Variants in IFT27 observed in about 807,000 individuals in gnomAD.
IFT27 encodes intraflagellar transport protein 27 homolog.
In IFT27, 19 loss-of-function variants were observed where a neutral mutation model predicts 23.9. The observed-to-expected ratio is 0.79, with a 90% CI of 0.55 to 1.16. The LOEUF is 1.16. Among genes scored for constraint, IFT27 ranks in the 50% most tolerant of loss-of-function variants. The probability of loss-of-function intolerance (pLI) is 0.00; values close to 1 mark genes in which losing one functional copy is unlikely to be tolerated. For synonymous variants in IFT27, 91 were observed against 89.1 expected (o/e 1.02, Z -0.12); for missense variants, 206 against 228.7 (o/e 0.90, Z 0.64).
At chr22:36,759,505 G>C (rs1938021682) in intron 6 of IFT27, 1 of 152,164 alleles carries the variant, frequency 6.6e-6, no homozygotes, top group Non-Finnish European at 1.5e-5. Context: ...GGAGGGCAAA[G>C]GAAATGGCGC....
At chr22:36,762,142 T>C (rs892536249) in intron 6 of IFT27, 1 of 152,204 alleles carries the variant, frequency 6.6e-6, no homozygotes, top group African/African-American at 2.4e-5. Flanking sequence ...TGGAGTCTCA[T>C]GTGAGGGGTC....
chr22:36,767,833 C>A lies in IFT27; in HGVS notation c.64G>T (p.Ala22Ser). Residue 22 changes from alanine (A) to serine (S), a missense_variant, in exon 2 of 7, where the codon GCA (alanine) becomes TCA (serine). By Grantham distance (99) the Ala-to-Ser change is moderately conservative. Transcript: ENST00000433985. ...GDPAVGKTAL[A>S]QIFRSDGAHF... is the part of the protein sequence containing the mutation. ...GCTCCATCACTGCGGAAGATCTGTG[C>A]CAGGGCGGTCTTGCCCACTGCTGGG... is the stretch of plus-strand genomic sequence containing the variant. 1 of 1,614,190 alleles carries A rather than the reference C, an allele frequency of 6.2e-7. No homozygotes were observed. Among genetic ancestry groups the A allele is most frequent in the East Asian group, 2.2e-5 (1 of 44,884 alleles).
chr22:36,758,421 G>C lies in IFT27; in HGVS notation c.463-12C>G, dbSNP rs1403776871. 6.2e-7 allele frequency: 1 copy of C among 1,606,922 alleles called. No individual in the cohort carries two copies. The highest frequency in any genetic ancestry group is 1.7e-5 in the Admixed American group (1 of 60,014). On this transcript the variant is annotated splice_polypyrimidine_tract_variant and intron_variant, in intron 6 of 6. Transcript: ENST00000433985. ...TTTTCCATCTCTTTCTGGAAAGACA[G>C]TTTAAAAAGTTGGCTGTGTTCTTTT...
At chr22:36,765,045 C>T (rs957745898) in intron 4 of IFT27, among the ~76,000 whole-genome samples, 1 of 152,236 alleles carries the variant, frequency 6.6e-6, no homozygotes, top group African/African-American at 2.4e-5. Flanking sequence ...CTCCTCCTCA[C>T]CCTACAAGGC....
chr22:36,769,440 C>T (rs1394038954), intron 1 of IFT27, among the ~76,000 whole-genome samples: 1 of 152,136 alleles, frequency 6.6e-6, no homozygotes, highest in Admixed American at 6.5e-5. Flanking sequence ...CTGCAACCTC[C>T]GCCTCCCGGG....
chr22:36,766,941 T>TC (rs201462403), intron 3 of IFT27: 2 of 163,472 alleles, frequency 1.2e-5, no homozygotes, highest in African/African-American at 4.8e-5. Context: ...TTTTTTTTTT[T>TC]CTCGCAGACC....
In IFT27 at chr22:36,763,899, T is replaced by G; in HGVS notation, c.352+20A>C. On this transcript the variant is annotated intron_variant, in intron 5 of 6. Transcript: ENST00000433985. Reference sequence around the variant, plus strand: ...AGGACAGAGATGCCGCTGGGAAACATGGGTGTCTGCAGCCCGTACCTGGGA... The same window carrying G: ...AGGACAGAGATGCCGCTGGGAAACAGGGGTGTCTGCAGCCCGTACCTGGGA... The G allele has an allele frequency of 2.7e-6, 4 of 1,505,708 alleles. No homozygotes were observed. The highest frequency in any genetic ancestry group is 3.7e-6 in the Non-Finnish European group (4 of 1,081,096). 93.3% of individuals were successfully genotyped at this position (1,505,708 alleles called of 1,614,324 possible). A position where few individuals can be genotyped will look rare whatever the true frequency, so the allele number is the denominator to read the frequency against.
chr22:36,761,090 A>G (rs1357357318), intron 6 of IFT27: 1 of 153,542 alleles, frequency 6.5e-6, no homozygotes, highest in East Asian at 1.9e-4. Context: ...TTGCACAGAT[A>G]ATAGCAAGTG....
intron 4 of IFT27, among the ~76,000 whole-genome samples, chr22:36,764,294 C>T (rs1251269251): frequency 6.6e-6 from 1 of 152,270 alleles, no homozygotes; most frequent in Non-Finnish European, 1.5e-5. Context: ...TGGGCACTTC[C>T]GTGCCTCACT....
At chr22:36,763,109 C>T in intron 5 of IFT27, 96 bp from the exon 6 acceptor site, 1 of 825,298 alleles carries the variant, frequency 1.2e-6, no homozygotes, top group Non-Finnish European at 1.8e-6. Context: ...GGGTGTAAAG[C>T]ATCCTCTGAG....
At chr22:36,767,179 GA>G (rs1435139220) in intron 3 of IFT27, 126 bp downstream of exon 3, 2 of 678,206 alleles carry the variant, frequency 2.9e-6, no homozygotes, top group Non-Finnish European at 5.2e-6. Context: ...ATTCTATTCC[GA>G]AATGCTCAGC....
At chr22:36,768,176 C>G (rs1938303287) in intron 1 of IFT27, 1 of 488,308 alleles carries the variant, frequency 2.0e-6, no homozygotes, top group Non-Finnish European at 4.1e-6. Flanking sequence ...CACTGAAACA[C>G]GCCCTATGGG....
At chr22:36,774,817 A>T (rs896566718) in intron 1 of IFT27, among the ~76,000 whole-genome samples, 23 of 151,480 alleles carry the variant, frequency 1.5e-4, no homozygotes, top group Non-Finnish European at 3.4e-4. Context: ...GTCTCAAAAA[A>T]AAAAAAAAAA....
At chr22:36,770,913 G>T (rs1366917171) in intron 1 of IFT27, among the ~76,000 whole-genome samples, 1 of 152,172 alleles carries the variant, frequency 6.6e-6, no homozygotes, top group Non-Finnish European at 1.5e-5. Context: ...CTCTGCCAAT[G>T]GGAGTTCTGG....
chr22:36,771,345 G>C (rs1032074591), intron 1 of IFT27, among the ~76,000 whole-genome samples: 2 of 152,196 alleles, frequency 1.3e-5, no homozygotes, highest in African/African-American at 4.8e-5. Context: ...TTGAAATGCC[G>C]AGTAGAGTTG....
intron 1 of IFT27, chr22:36,772,795 T>C: frequency 1.0e-6 from 1 of 983,720 alleles, no homozygotes; most frequent in Admixed American, 6.2e-5. Flanking sequence ...AAAAACAGAG[T>C]AACTCAGTTT....
intron 1 of IFT27, among the ~76,000 whole-genome samples, chr22:36,775,327 C>G (rs983172882): frequency 2.6e-5 from 4 of 152,102 alleles, no homozygotes; most frequent in Non-Finnish European, 5.9e-5. Flanking sequence ...ATATGTTTAG[C>G]TGAAGCACTC....
chr22:36,761,509 A>G (rs1318955288), intron 6 of IFT27: 2 of 152,242 alleles, frequency 1.3e-5, no homozygotes, highest in African/African-American at 4.8e-5. Context: ...TAATAACAGT[A>G]TAAACAAGAT....
At chr22:36,767,654 C>T in intron 2 of IFT27, 129 bp downstream of exon 2, 1 of 872,344 alleles carries the variant, frequency 1.1e-6, no homozygotes, top group East Asian at 2.4e-5. Flanking sequence ...AAACGATCTC[C>T]ACGTGGCCCT....
Sources: gnomAD v4.1 joint callset for allele counts (sites outside exome capture counted in the v4.1 genomes callset) on GRCh38, gnomAD v4.1.1 for gene constraint, MANE v1.5 for transcripts, NCBI Gene and HGNC (gene_info 2026-07-23, HGNC 2026-07-21) for gene names.